The following RCAN1 variants were observed in gnomAD, a reference collection of about 807,000 sequenced individuals.
RCAN1 encodes calcipressin-1.
RCAN1 carries 11 observed loss-of-function variants against 22.9 expected under a neutral mutation model. The ratio of observed to expected loss-of-function variants is 0.48; its 90% CI spans 0.30 to 0.79. The LOEUF (loss-of-function observed/expected upper bound fraction) is 0.79. Ranked by LOEUF, RCAN1 falls within the 30% of genes least tolerant of loss-of-function variation. The pLI is 0.06. For synonymous variants in RCAN1, 136 were observed against 142.3 expected, an observed-to-expected ratio of 0.96 and a Z score of 0.32; for missense variants, 291 against 337.8, an observed-to-expected ratio of 0.86 and a Z score of 1.09.
Position 34,593,177 on chromosome 21 carries a change from T to C in RCAN1, c.252+21583A>G, listed in dbSNP as rs562560146. On this transcript the variant is annotated intron_variant, in intron 1 of 3. Transcript: ENST00000313806. ...GCTTTAGTTATGGAGAAGCTCATTA[T>C]AAAATAGTCTTACAGGAAAAACCTG... 2.0e-5 allele frequency among the ~76,000 whole-genome samples: 3 copies of C among 152,354 alleles called. No individual in the cohort carries two copies. In the South Asian group the frequency reaches 6.2e-4, roughly 32 times the overall value.
chr21:34,562,490 G>A (rs1986826911), intron 1 of RCAN1, among the ~76,000 whole-genome samples: 1 of 152,194 alleles, frequency 6.6e-6, no homozygotes, highest in African/African-American at 2.4e-5. Context: ...GAGCAGAGGC[G>A]ACATGGGTGG....
intron 1 of RCAN1, among the ~76,000 whole-genome samples, chr21:34,547,127 T>C (rs1986179284): frequency 6.6e-6 from 1 of 152,144 alleles, no homozygotes. Context: ...CCACTACCCC[T>C]GCCAAAATTG....
In RCAN1 at chr21:34,614,171, G is replaced by C. The variant is rs1988756386; in HGVS notation, c.252+589C>G. 1 of 927,234 alleles carries C rather than the reference G, an allele frequency of 1.1e-6. No individual in the cohort carries two copies. Among genetic ancestry groups the C allele is most frequent in the Non-Finnish European group, 1.3e-6 (1 of 760,060 alleles). 57.4% of individuals were successfully genotyped at this position (927,234 alleles called of 1,614,324 possible). A position where few individuals can be genotyped will look rare whatever the true frequency, so the allele number is the denominator to read the frequency against. ...CCACACCTTCACACAAGGGGGCAAG[G>C]TTCTTGACTAAATATCCTAAAGGTC... is the stretch of plus-strand genomic sequence containing the variant. On this transcript the variant is annotated intron_variant, in intron 1 of 3. Coordinates refer to ENST00000313806, the MANE Select transcript of RCAN1 (RefSeq NM_004414.7). The surrounding 1 kb of genome is among the most constrained non-coding windows in gnomAD (Gnocchi z 6.0).
chr21:34,614,565 G>T lies in RCAN1; in HGVS notation c.252+195C>A. The stretch of plus-strand genomic sequence containing the variant: ...GCAGTGAGCTCCGCGCGCCCCGGGG[G>T]TGCTAGGGGACCGGGACCCTCGGGG... On this transcript the variant is annotated intron_variant, in intron 1 of 3. Transcript: ENST00000313806. This position sits in a 1 kb window ranked among gnomAD's most constrained non-coding sequence, Gnocchi z 6.0. The T allele has an allele frequency of 1.0e-6, 1 of 995,930 alleles. No individual in the cohort carries two copies. Among genetic ancestry groups the T allele is most frequent in the Non-Finnish European group, 1.2e-6 (1 of 812,974 alleles). The allele number at this position is 995,930 out of a possible 1,614,324, so 61.7% of individuals were successfully genotyped here. A position where few individuals can be genotyped will look rare whatever the true frequency, so the allele number is the denominator to read the frequency against.
chr21:34,603,222 C>A (rs1396153468), intron 1 of RCAN1, among the ~76,000 whole-genome samples: 1 of 152,202 alleles, frequency 6.6e-6, no homozygotes, highest in African/African-American at 2.4e-5. Context: ...AGTTACTGCC[C>A]CCCGGCGGCG....
intron 1 of RCAN1, among the ~76,000 whole-genome samples, chr21:34,563,763 A>C (rs908816636): frequency 2.2e-5 from 2 of 91,628 alleles, no homozygotes; most frequent in Admixed American, 1.1e-4. Context: ...CCAAAAAAAA[A>C]AAAAAAAATA....
intron 1 of RCAN1, among the ~76,000 whole-genome samples, chr21:34,583,177 CCT>C (rs149003376): frequency 4.2e-4 from 45 of 107,040 alleles, no homozygotes; most frequent in Middle Eastern, 5.1e-3. Flanking sequence ...GGCGATAGGG[CCT>C]TTTTTTTTTT....
intron 1 of RCAN1, among the ~76,000 whole-genome samples, chr21:34,530,749 C>T (rs1386936583): frequency 2.0e-5 from 3 of 151,382 alleles, no homozygotes; most frequent in Non-Finnish European, 1.5e-5. Context: ...CTCAGCCTCC[C>T]AAGTAGTTGG....
At chr21:34,573,996 GA>G (rs1987322827) in intron 1 of RCAN1, among the ~76,000 whole-genome samples, 1 of 152,190 alleles carries the variant, frequency 6.6e-6, no homozygotes, top group Non-Finnish European at 1.5e-5. Flanking sequence ...AGAAAGAACA[GA>G]AATCAAAGGG....
At position 34,518,045 on chromosome 21, in the gene RCAN1, G is replaced by A. The variant is rs568888709; in HGVS notation, c.*39C>T. On this transcript the variant is annotated 3_prime_UTR_variant, in exon 4 of 4. Transcript: ENST00000313806. This position sits in a 1 kb window ranked among gnomAD's most constrained non-coding sequence, Gnocchi z 4.2. The stretch of plus-strand genomic sequence containing the variant: ...ACCTCCACAGTAAAAGATTCCTCCC[G>A]TGAGTATGATTTGGAATGCGTCCTC... 24 of 1,608,884 alleles carry A rather than the reference G, an allele frequency of 1.5e-5. No homozygotes were observed. The highest frequency in any genetic ancestry group is 1.2e-4 in the African/African-American group (9 of 74,950).
At chr21:34,525,544 G>A in intron 1 of RCAN1, 1 of 567,588 alleles carries the variant, frequency 1.8e-6, no homozygotes, top group South Asian at 5.7e-5. Context: ...GTTTAGTTTT[G>A]AAGTTATGAT....
chr21:34,527,928 G>A (rs908158344), intron 1 of RCAN1, among the ~76,000 whole-genome samples: 11 of 152,042 alleles, frequency 7.2e-5, no homozygotes, highest in African/African-American at 2.7e-4. Flanking sequence ...AAGATGCAGG[G>A]AAGATGCCTG....
In RCAN1 at chr21:34,531,802, C is replaced by T. The variant is rs186370743; in HGVS notation, c.253-8092G>A. On this transcript the variant is annotated intron_variant, in intron 1 of 3. Transcript: ENST00000313806. ...TCTCTTCCCCAAGTCTCTGCTCGTG[C>T]TCTCCCTCTCCCTGGATTATTCCTC... Among the ~76,000 whole-genome samples the T allele has an allele frequency of 2.2e-3, 337 of 152,258 alleles. 1 individual carries two copies. The highest frequency in any genetic ancestry group is 7.9e-3 in the African/African-American group (327 of 41,534).
At chr21:34,602,429 G>T (rs141321301) in intron 1 of RCAN1, among the ~76,000 whole-genome samples, 119 of 152,340 alleles carry the variant, frequency 7.8e-4, no homozygotes, top group African/African-American at 2.7e-3. Flanking sequence ...ATTCTAGAAA[G>T]AGATACCAAT....
intron 1 of RCAN1, among the ~76,000 whole-genome samples, chr21:34,572,554 A>C (rs1987269285): frequency 6.6e-6 from 1 of 152,164 alleles, no homozygotes; most frequent in South Asian, 2.1e-4. Flanking sequence ...TGACATTCAG[A>C]ACAACAACAA....
chr21:34,606,099 T>G (rs1027606334), intron 1 of RCAN1, among the ~76,000 whole-genome samples: 1 of 151,984 alleles, frequency 6.6e-6, no homozygotes, highest in Admixed American at 6.6e-5. Flanking sequence ...AGAGTTCTTG[T>G]AAAGATAAAA....
chr21:34,568,071 G>A (rs1211509102), intron 1 of RCAN1, among the ~76,000 whole-genome samples: 1 of 152,180 alleles, frequency 6.6e-6, no homozygotes, highest in Non-Finnish European at 1.5e-5. Context: ...CCACCAGGAT[G>A]TGAGCCTCCT....
intron 1 of RCAN1, among the ~76,000 whole-genome samples, chr21:34,552,377 G>A (rs935657697): frequency 1.3e-5 from 2 of 152,164 alleles, no homozygotes; most frequent in South Asian, 2.1e-4. Flanking sequence ...GGTAGAGGGG[G>A]AGGAAGAACA....
Position 34,517,960 on chromosome 21 carries a change from G to A in RCAN1, c.*124C>T. On this transcript the variant is annotated 3_prime_UTR_variant, in exon 4 of 4. Transcript: ENST00000313806. Reference sequence around the variant, plus strand: ...GCCTTGATTCTCTTCTGAGCAACATGAACTGGGATTTCTGCCACCCCGATC... The same window carrying A: ...GCCTTGATTCTCTTCTGAGCAACATAAACTGGGATTTCTGCCACCCCGATC... 1.7e-6 allele frequency: 2 copies of A among 1,165,422 alleles called. No homozygotes were observed. Among genetic ancestry groups the A allele is most frequent in the East Asian group, 4.7e-5 (2 of 42,562 alleles). 72.2% of individuals were successfully genotyped at this position (1,165,422 alleles called of 1,614,324 possible).
Sources: allele counts gnomAD v4.1 joint callset (sites outside exome capture counted in the v4.1 genomes callset), GRCh38; gene constraint gnomAD v4.1.1; non-coding constraint Gnocchi (gnomAD v3.1); transcripts MANE v1.5; gene names NCBI Gene and HGNC (gene_info 2026-07-23, HGNC 2026-07-21).